HOXC4: variants seen among roughly 807,000 people sequenced by gnomAD.
The protein encoded by HOXC4 is homeobox protein Hox-C4.
Under a neutral mutation model 25.5 loss-of-function variants are expected in HOXC4, and 15 were observed. The observed-to-expected ratio is 0.59, with a 90% CI of 0.39 to 0.91. The LOEUF (loss-of-function observed/expected upper bound fraction) is 0.91. HOXC4 is among the 40% of genes least tolerant of loss of function. HOXC4 has a pLI of 0.00. For synonymous variants in HOXC4, 165 were observed against 148.0 expected (o/e 1.11, Z -0.83); for missense variants, 342 against 352.4 (o/e 0.97, Z 0.24).
intron 1 of HOXC4, among the ~76,000 whole-genome samples, chr12:54,027,165 T>TCGTAAC (rs1555185093): frequency 2.0e-5 from 3 of 152,254 alleles, no homozygotes; most frequent in Non-Finnish European, 4.4e-5. Context: ...AGCTGCCTTT[T>TCGTAAC]CGTAACCGTC....
intron 1 of HOXC4, chr12:54,028,580 T>A (rs1321885526): frequency 1.2e-6 from 2 of 1,613,854 alleles, no homozygotes; most frequent in Non-Finnish European, 1.7e-6. Flanking sequence ...GGCCAGGACG[T>A]CCTCCCCAAC....
intron 1 of HOXC4, chr12:54,033,144 T>C: frequency 6.2e-7 from 1 of 1,610,170 alleles, no homozygotes; most frequent in Non-Finnish European, 8.5e-7. Flanking sequence ...CGTAGCCAAT[T>C]CATTCTATAA....
chr12:54,052,587 G>T (rs529762630), upstream of HOXC4, among the ~76,000 whole-genome samples: 9 of 150,382 alleles, frequency 6.0e-5, no homozygotes, highest in East Asian at 1.6e-3. Flanking sequence ...GGGGGTGGTG[G>T]TTAGGAAAGC....
intron 1 of HOXC4, chr12:54,029,020 A>C: frequency 8.5e-7 from 1 of 1,173,402 alleles, no homozygotes; most frequent in Non-Finnish European, 1.2e-6. Context: ...TTATGGCCCC[A>C]TAAAAACAAT....
chr12:54,028,663 C>T, intron 1 of HOXC4: 3 of 1,614,078 alleles, frequency 1.9e-6, no homozygotes, highest in Non-Finnish European at 2.5e-6. Context: ...TGCCCAGAAC[C>T]GGATCTACTC....
intron 1 of HOXC4, chr12:54,020,966 G>C (rs1947590658): frequency 6.6e-6 from 1 of 152,254 alleles, no homozygotes; most frequent in Non-Finnish European, 1.5e-5. Context: ...ATTGAGTTCT[G>C]CGGGATTCTT....
At chr12:54,020,182 T>G (rs560532701) in intron 1 of HOXC4, 1 of 152,348 alleles carries the variant, frequency 6.6e-6, no homozygotes, top group Non-Finnish European at 1.5e-5. Context: ...AGCCCTTCTG[T>G]GATTATCTAA....
At chr12:54,029,574 G>C in intron 1 of HOXC4, 1 of 1,467,832 alleles carries the variant, frequency 6.8e-7, no homozygotes, top group Non-Finnish European at 9.3e-7. Context: ...GGTTGGGAGG[G>C]TCAGGACTTT....
At chr12:54,029,882 G>C in intron 1 of HOXC4, 1 of 1,611,824 alleles carries the variant, frequency 6.2e-7, no homozygotes, top group Non-Finnish European at 8.5e-7. Context: ...CTCGGGGGGC[G>C]GCGGAGGGGC....
chr12:54,043,611 C>T (rs1470284532), intron 1 of HOXC4, among the ~76,000 whole-genome samples: 2 of 150,418 alleles, frequency 1.3e-5, no homozygotes, highest in East Asian at 2.0e-4. Flanking sequence ...TCAAGCCCTG[C>T]GCAGCTGTTG....
chr12:54,050,819 A>C (rs1355667182), upstream of HOXC4, among the ~76,000 whole-genome samples: 2 of 152,236 alleles, frequency 1.3e-5, no homozygotes, highest in African/African-American at 4.8e-5. Context: ...TAGCTGCACG[A>C]ACCTGGAATG....
At chr12:54,047,271 C>A (rs575180526) in intron 1 of HOXC4, among the ~76,000 whole-genome samples, 1 of 152,236 alleles carries the variant, frequency 6.6e-6, no homozygotes, top group African/African-American at 2.4e-5. Flanking sequence ...ACACAGGGAA[C>A]GTTTTCCTAT....
intron 1 of HOXC4, among the ~76,000 whole-genome samples, chr12:54,041,569 C>A (rs1301733399): frequency 6.6e-6 from 1 of 152,162 alleles, no homozygotes; most frequent in East Asian, 1.9e-4. Flanking sequence ...GGTTTGGGGA[C>A]AATGCCACAG....
intron 1 of HOXC4, among the ~76,000 whole-genome samples, chr12:54,019,392 G>A (rs1370807207): frequency 6.6e-6 from 1 of 152,206 alleles, no homozygotes; most frequent in Non-Finnish European, 1.5e-5. Context: ...GGAACCCGGA[G>A]TCTGTGGGAC....
At chr12:54,050,745 A>T (rs1019311746), upstream of HOXC4, among the ~76,000 whole-genome samples, 2 of 152,216 alleles carry the variant, frequency 1.3e-5, no homozygotes, top group African/African-American at 4.8e-5. Flanking sequence ...TAAATGATGT[A>T]GATGAGTGTG....
At chr12:54,031,729 C>T (rs997583629) in intron 1 of HOXC4, among the ~76,000 whole-genome samples, 18 of 152,142 alleles carry the variant, frequency 1.2e-4, no homozygotes, top group Non-Finnish European at 2.6e-4. Context: ...GAGGAGGGGG[C>T]CTTCTCCTGG....
chr12:54,054,778 G>T, intron 1 of HOXC4, 72 bp from the exon 2 acceptor site: 2 of 968,490 alleles, frequency 2.1e-6, no homozygotes, highest in Admixed American at 2.3e-5. Flanking sequence ...CAGAGCTGAG[G>T]ATGGGGTGAG....
intron 1 of HOXC4, chr12:54,033,588 G>A (rs765853011): frequency 3.1e-5 from 48 of 1,545,520 alleles, no homozygotes; most frequent in Non-Finnish European, 4.2e-5. Context: ...TAAACTTTAG[G>A]ACTTCATTTT....
At chr12:54,044,314 C>T (rs1293468318) in intron 1 of HOXC4, among the ~76,000 whole-genome samples, 3 of 152,084 alleles carry the variant, frequency 2.0e-5, no homozygotes, top group Non-Finnish European at 4.4e-5. Context: ...ACTCCAATTT[C>T]TTTTTTAAAA....
Sources: allele counts gnomAD v4.1 joint callset (sites outside exome capture counted in the v4.1 genomes callset), GRCh38; gene constraint gnomAD v4.1.1; transcripts MANE v1.5; gene names NCBI Gene and HGNC (gene_info 2026-07-23, HGNC 2026-07-21).